The following TMEM114 variants were observed in gnomAD, a reference collection of about 807,000 sequenced individuals.
TMEM114 encodes the protein claudin-26.
TMEM114 carries 6 observed loss-of-function variants against 6.2 expected under a neutral mutation model. The observed-to-expected ratio is 0.97, with a 90% confidence interval of 0.53 to 1.91. The LOEUF is 1.91. Among genes scored for constraint, TMEM114 ranks in the 40% most tolerant of loss-of-function variants. The pLI is 0.01. For synonymous variants in TMEM114, 104 were observed against 73.0 expected (o/e 1.42, Z -2.16); for missense variants, 218 against 158.3 (o/e 1.38, Z -2.02).
chr16:8,536,676 G>C (rs1900370114), downstream of TMEM114, among the ~76,000 whole-genome samples: 1 of 151,908 alleles, frequency 6.6e-6, no homozygotes, highest in African/African-American at 2.4e-5. Context: ...GTTTTTGTTT[G>C]TTTGTTTGTT....
At chr16:8,536,287 C>A (rs1900357552), downstream of TMEM114, among the ~76,000 whole-genome samples, 2 of 151,630 alleles carry the variant, frequency 1.3e-5, no homozygotes, top group African/African-American at 4.8e-5. Flanking sequence ...TCATCTCTAA[C>A]AACCCATTTT....
chr16:8,557,441 C>G (rs570975736), intron 2 of TMEM114, among the ~76,000 whole-genome samples: 20 of 152,314 alleles, frequency 1.3e-4, no homozygotes, highest in African/African-American at 4.8e-4. Flanking sequence ...AGCTGCTCCA[C>G]TGCCTGCTGT....
chr16:8,538,734 C>A (rs1900434185), intron 2 of TMEM114, among the ~76,000 whole-genome samples: 1 of 151,846 alleles, frequency 6.6e-6, no homozygotes, highest in Non-Finnish European at 1.5e-5. Context: ...TGTCGATCTC[C>A]TGACCTCGTG....
chr16:8,536,790 G>A (rs888053086), downstream of TMEM114, among the ~76,000 whole-genome samples: 4 of 152,092 alleles, frequency 2.6e-5, no homozygotes, highest in African/African-American at 7.2e-5. Context: ...CACTGTTCAT[G>A]GTCTAATTAT....
Position 8,589,697 on chromosome 16 carries a change from G to A in TMEM114, c.142C>T (p.Gln48Ter), listed in dbSNP as rs2141629710. 1 of 398,588 alleles carries A rather than the reference G, an allele frequency of 2.5e-6. No homozygotes were observed. The highest frequency in any genetic ancestry group is 3.6e-5 in the East Asian group (1 of 28,052). The allele number at this position is 398,588 out of a possible 1,614,324, so 24.7% of individuals were successfully genotyped here. ...CGATTGATGGACCCCAGCAGGTCCT[G>A]CGCCCCCGGGCCAGTCCTCTCCAGC... ...ERLERTGPGA[Q>*]DLLGSINRSQ... is the part of the protein sequence containing the mutation. Residue 48 changes from glutamine to a stop codon, truncating the protein, a stop_gained, in exon 1 of 4, where the codon CAG becomes TAG. Transcript: ENST00000620492. LOFTEE classifies it high-confidence loss of function.
intron 1 of TMEM114, 39 bp downstream of exon 1, chr16:8,589,580 T>A (rs2141629491): frequency 5.0e-6 from 2 of 398,394 alleles, no homozygotes; most frequent in South Asian, 2.5e-4. Context: ...GCAGGGGGCG[T>A]TCGCAGCCAC....
At chr16:8,538,261 C>A (rs1246129822) in intron 2 of TMEM114, among the ~76,000 whole-genome samples, 2 of 151,312 alleles carry the variant, frequency 1.3e-5, no homozygotes, top group Non-Finnish European at 2.9e-5. Context: ...TGCACTGTAG[C>A]CTGGGTGACA....
At chr16:8,548,495 CCA>C (rs1427694033) in intron 2 of TMEM114, among the ~76,000 whole-genome samples, 2 of 152,014 alleles carry the variant, frequency 1.3e-5, no homozygotes, top group Admixed American at 6.6e-5. Context: ...AATCGTCACC[CCA>C]CACACACCCT....
At chr16:8,563,405 G>A (rs572015188) in intron 2 of TMEM114, among the ~76,000 whole-genome samples, 6 of 146,224 alleles carry the variant, frequency 4.1e-5, no homozygotes, top group Non-Finnish European at 9.1e-5. Flanking sequence ...GAGTAAACGA[G>A]TGAGTTAATT....
downstream of TMEM114, among the ~76,000 whole-genome samples, chr16:8,565,131 AAATGGATGGATAAT>A (rs1901497501): frequency 6.8e-6 from 1 of 147,608 alleles, no homozygotes; most frequent in South Asian, 2.1e-4. Context: ...GTGGGTAAGC[AAATGGATGGATAAT>A]GATGGATGGG....
chr16:8,571,130 TAAAAGGAA>T (rs1901721500), intron 3 of TMEM114, among the ~76,000 whole-genome samples: 1 of 148,210 alleles, frequency 6.7e-6, no homozygotes. Context: ...TTTTTTTTTT[TAAAAGGAA>T]CATTTCAAAT....
At chr16:8,554,138 C>G (rs745737701) in intron 2 of TMEM114, among the ~76,000 whole-genome samples, 2 of 152,118 alleles carry the variant, frequency 1.3e-5, no homozygotes, top group African/African-American at 4.8e-5. Context: ...CTTGGCCTCC[C>G]TAAGACTACT....
chr16:8,528,131 G>T, the TMEM114 span, among the ~76,000 whole-genome samples: 1 of 152,054 alleles, frequency 6.6e-6, no homozygotes, highest in African/African-American at 2.4e-5. Flanking sequence ...GAACTCCTGG[G>T]CTCAAGTGAT....
intron 2 of TMEM114, among the ~76,000 whole-genome samples, chr16:8,553,686 T>C (rs1351164005): frequency 6.6e-6 from 1 of 152,088 alleles, no homozygotes; most frequent in Non-Finnish European, 1.5e-5. Context: ...CTTCACTGTG[T>C]TAGCCAGGAT....
intron 2 of TMEM114, among the ~76,000 whole-genome samples, chr16:8,558,987 C>A (rs201987102): frequency 1.9e-4 from 29 of 151,866 alleles, no homozygotes; most frequent in Non-Finnish European, 4.1e-4. Context: ...TTGTAATCCA[C>A]CCACCTCAGC....
rs188770337 is a variant in TMEM114 at position 8,549,082 on chromosome 16, T to A, written n.213-11256A>T. On this transcript the variant is annotated intron_variant and non_coding_transcript_variant, in intron 2 of 2. Coordinates refer to the TMEM114 transcript ENST00000623677. ...CTGCAGTCCCAGCTGCTGGGGAGGC[T>A]GAGGCAGGAGAATGGCGTGAACCCT... Among the ~76,000 whole-genome samples the A allele has an allele frequency of 5.3e-4, 78 of 146,780 alleles. No homozygotes were observed. In the Middle Eastern group the frequency reaches 0.018, roughly 34 times the overall value.
At chr16:8,585,493 C>G (rs141308855) in intron 2 of TMEM114, among the ~76,000 whole-genome samples, 1 of 152,126 alleles carries the variant, frequency 6.6e-6, no homozygotes, top group Non-Finnish European at 1.5e-5. Context: ...TGCTGCTTGT[C>G]GAACGTGCTG....
chr16:8,581,277 T>C (rs1000681502), intron 2 of TMEM114, among the ~76,000 whole-genome samples: 4 of 152,244 alleles, frequency 2.6e-5, no homozygotes, highest in Non-Finnish European at 4.4e-5. Context: ...AACACTAATA[T>C]GCATTAGTAT....
intron 2 of TMEM114, among the ~76,000 whole-genome samples, chr16:8,542,145 G>T (rs4486871): frequency 2.0e-4 from 30 of 150,732 alleles, no homozygotes; most frequent in African/African-American, 6.8e-4. Context: ...TGATTCGTGG[G>T]GGGGGGTCCC....
Sources: gnomAD v4.1 joint callset for allele counts (sites outside exome capture counted in the v4.1 genomes callset) on GRCh38, gnomAD v4.1.1 for gene constraint, MANE v1.5 for transcripts, NCBI Gene and HGNC (gene_info 2026-07-23, HGNC 2026-07-21) for gene names.